The following LHPP variants were observed in gnomAD, a reference collection of about 807,000 sequenced individuals.
LHPP encodes the protein phospholysine phosphohistidine inorganic pyrophosphate phosphatase.
A neutral mutation model predicts 30.3 loss-of-function variants in LHPP; 24 were observed. The ratio of observed to expected loss-of-function variants is 0.79; its 90% confidence interval spans 0.57 to 1.11. The LOEUF (loss-of-function observed/expected upper bound fraction) is 1.11, where lower values mean the gene tolerates loss of function less well. Among genes scored for constraint, LHPP ranks in the 50% most tolerant of loss-of-function variants. The pLI is 0.00. For synonymous variants in LHPP, 150 were observed against 157.1 expected, an observed-to-expected ratio of 0.95 and a Z score of 0.34; for missense variants, 356 against 367.2, an observed-to-expected ratio of 0.97 and a Z score of 0.25.
chr10:124,574,475 G>A (rs1371366803), intron 6 of LHPP, among the ~76,000 whole-genome samples: 1 of 152,226 alleles, frequency 6.6e-6, no homozygotes, highest in Non-Finnish European at 1.5e-5. Context: ...TTGATCTGCG[G>A]GAGGTGTTGT....
chr10:124,506,675 GGGTAGGGAAGATTTCAGGTTGGC>G lies in LHPP; in HGVS notation c.624+8550_624+8572del, dbSNP rs1564796493. 5.1e-5 allele frequency among the ~76,000 whole-genome samples: 6 copies of G among 116,780 alleles called. No individual in the cohort carries two copies. In the South Asian group the frequency reaches 1.2e-3, roughly 23 times the overall value. 76.6% of individuals were successfully genotyped at this position (116,780 alleles called of 152,430 possible). A position where few individuals can be genotyped will look rare whatever the true frequency, so the allele number is the denominator to read the frequency against. On this transcript the variant is annotated intron_variant, in intron 5 of 6. Transcript: ENST00000368842. Reference sequence around the variant, plus strand: ...AGGGTAGGGAGGATTTCAGGTTGGGGGGTAGGGAAGATTTCAGGTTGGCGGGTAGGGAAGATTTCAAGTGGGGT... The same window carrying G: ...AGGGTAGGGAGGATTTCAGGTTGGGGGGGTAGGGAAGATTTCAAGTGGGGT...
intron 3 of LHPP, among the ~76,000 whole-genome samples, chr10:124,494,887 G>A (rs1953657720): frequency 6.6e-6 from 1 of 152,126 alleles, no homozygotes; most frequent in South Asian, 2.1e-4. Flanking sequence ...TCCTGCAAAG[G>A]GCTGTGGAGC....
At chr10:124,554,217 G>A in intron 6 of LHPP, 1 of 302,578 alleles carries the variant, frequency 3.3e-6, no homozygotes, top group Non-Finnish European at 4.9e-6. Context: ...ACAGGGTCTT[G>A]CTCTGTCACC....
At chr10:124,493,837 A>G (rs1297324058) in intron 3 of LHPP, 1 of 152,070 alleles carries the variant, frequency 6.6e-6, no homozygotes, top group East Asian at 1.9e-4. Flanking sequence ...GTGTGTGGAG[A>G]TTACCGGGCC....
chr10:124,472,379 G>A (rs181653792), intron 1 of LHPP, among the ~76,000 whole-genome samples: 169 of 152,282 alleles, frequency 1.1e-3, no homozygotes, highest in Middle Eastern at 3.4e-3. Context: ...AAGTTTATGT[G>A]AGTGCTGGAA....
intron 6 of LHPP, among the ~76,000 whole-genome samples, chr10:124,601,403 G>A (rs1190387767): frequency 6.6e-6 from 1 of 152,224 alleles, no homozygotes; most frequent in Non-Finnish European, 1.5e-5. Flanking sequence ...GGGGCCTTAC[G>A]TACGTGAATT....
intron 6 of LHPP, among the ~76,000 whole-genome samples, chr10:124,544,656 C>T (rs1423422307): frequency 6.6e-6 from 1 of 152,224 alleles, no homozygotes; most frequent in African/African-American, 2.4e-5. Context: ...CTGCTGAGAG[C>T]GTGTGCAGAG....
At chr10:124,482,587 G>A (rs573521969) in intron 1 of LHPP, among the ~76,000 whole-genome samples, 10 of 152,166 alleles carry the variant, frequency 6.6e-5, no homozygotes, top group African/African-American at 2.2e-4. Flanking sequence ...TGATCTTGGC[G>A]AGGGAGCCAG....
At chr10:124,601,830 C>T (rs1415691425) in intron 6 of LHPP, among the ~76,000 whole-genome samples, 1 of 152,274 alleles carries the variant, frequency 6.6e-6, no homozygotes, top group Admixed American at 6.5e-5. Context: ...TCCCCGGGTC[C>T]TGTTGACCAC....
chr10:124,540,304 A>C (rs1372798505), intron 6 of LHPP, among the ~76,000 whole-genome samples: 2 of 152,178 alleles, frequency 1.3e-5, no homozygotes, highest in Non-Finnish European at 2.9e-5. Flanking sequence ...CCAGGTCCAC[A>C]CGGCTGTGGG....
chr10:124,525,178 G>A (rs1018180187), intron 6 of LHPP, among the ~76,000 whole-genome samples: 1 of 152,166 alleles, frequency 6.6e-6, no homozygotes, highest in Non-Finnish European at 1.5e-5. Flanking sequence ...GTTGAGCTGT[G>A]GCTTGTTCAT....
chr10:124,585,902 A>G (rs1163478355), intron 6 of LHPP, among the ~76,000 whole-genome samples: 3 of 152,042 alleles, frequency 2.0e-5, no homozygotes, highest in Non-Finnish European at 4.4e-5. Context: ...CTCCTGCCTC[A>G]GCCTCCGGAG....
intron 6 of LHPP, among the ~76,000 whole-genome samples, chr10:124,578,221 A>G (rs4962661): frequency 0.61 from 93,133 of 152,106 alleles, 28,776 homozygotes; most frequent in Non-Finnish European, 0.65. Context: ...CCTGCTTCCC[A>G]GGGCATTTGC....
intron 5 of LHPP, among the ~76,000 whole-genome samples, chr10:124,499,912 T>G (rs1208690406): frequency 6.6e-6 from 1 of 152,010 alleles, no homozygotes; most frequent in Non-Finnish European, 1.5e-5. Context: ...GCAGGCTGTC[T>G]GGAGTCCCCA....
At chr10:124,599,771 C>G (rs1260657060) in intron 6 of LHPP, among the ~76,000 whole-genome samples, 1 of 152,238 alleles carries the variant, frequency 6.6e-6, no homozygotes, top group Non-Finnish European at 1.5e-5. Context: ...GGAGCTGCGT[C>G]TGCACTGTGG....
At chr10:124,532,217 G>A (rs1169493799) in intron 6 of LHPP, among the ~76,000 whole-genome samples, 1 of 152,200 alleles carries the variant, frequency 6.6e-6, no homozygotes, top group Non-Finnish European at 1.5e-5. Context: ...CCCTGGAATC[G>A]GCCATTTCTC....
chr10:124,570,769 C>T (rs1467638892), intron 6 of LHPP, among the ~76,000 whole-genome samples: 2 of 152,160 alleles, frequency 1.3e-5, no homozygotes, highest in South Asian at 2.1e-4. Flanking sequence ...ATGTCTTGAC[C>T]GTTCATCTGT....
intron 6 of LHPP, 173 bp from the exon 7 acceptor site, chr10:124,613,091 G>A (rs1949222799): frequency 9.3e-6 from 6 of 642,646 alleles, no homozygotes; most frequent in South Asian, 6.9e-5. Flanking sequence ...ATGTGTGCCT[G>A]AGTAGGGCAG....
intron 6 of LHPP, among the ~76,000 whole-genome samples, chr10:124,571,522 C>T (rs1948584005): frequency 2.6e-5 from 4 of 152,204 alleles, no homozygotes; most frequent in Admixed American, 2.6e-4. Flanking sequence ...ACAAGGTGTC[C>T]AGGATGCACT....
Sources: allele counts gnomAD v4.1 joint callset (sites outside exome capture counted in the v4.1 genomes callset), GRCh38; gene constraint gnomAD v4.1.1; transcripts MANE v1.5; gene names NCBI Gene and HGNC (gene_info 2026-07-23, HGNC 2026-07-21).